The following RRM2 variants were observed in gnomAD, a reference collection of about 807,000 sequenced individuals.
The protein encoded by RRM2 is ribonucleoside-diphosphate reductase subunit M2.
A neutral mutation model predicts 45.9 loss-of-function variants in RRM2; 6 were observed. The observed-to-expected ratio is 0.13, with a 90% CI of 0.07 to 0.26. RRM2 has a LOEUF of 0.26. Among genes scored for constraint, RRM2 ranks in the 10% least tolerant of loss-of-function variants. The pLI, the probability that RRM2 is intolerant of heterozygous loss-of-function variation, is 1.00. For missense variants in RRM2, 343 were observed against 489.5 expected, an observed-to-expected ratio of 0.70 and a Z score of 2.82; for synonymous variants, 177 against 173.0, an observed-to-expected ratio of 1.02 and a Z score of -0.18.
intron 3 of RRM2, among the ~76,000 whole-genome samples, chr2:10,156,712 C>T (rs1332591150): frequency 6.6e-6 from 1 of 152,232 alleles, no homozygotes; most frequent in African/African-American, 2.4e-5. Flanking sequence ...AACCTCAGCT[C>T]CCTGTAACTT....
chr2:10,148,143 CA>C (rs374826185), intron 3 of RRM2, among the ~76,000 whole-genome samples: 1,877 of 117,684 alleles, frequency 0.016, 1 homozygote, highest in African/African-American at 0.026. Flanking sequence ...GACCCTGACT[CA>C]AAAAAAAAAA....
intron 3 of RRM2, chr2:10,145,907 G>T (rs938459894): frequency 6.6e-6 from 1 of 152,228 alleles, no homozygotes; most frequent in Admixed American, 6.5e-5. Flanking sequence ...AACCAGAATA[G>T]CCTCCGAAGC....
intron 3 of RRM2, among the ~76,000 whole-genome samples, chr2:10,196,740 G>A (rs1198801037): frequency 1.3e-5 from 2 of 152,250 alleles, no homozygotes; most frequent in South Asian, 2.1e-4. Flanking sequence ...GGGAGGAGGC[G>A]GGTTCGCTGT....
At chr2:10,148,034 C>T (rs1369252977) in intron 3 of RRM2, among the ~76,000 whole-genome samples, 8 of 151,454 alleles carry the variant, frequency 5.3e-5, no homozygotes, top group Non-Finnish European at 7.4e-5. Flanking sequence ...ATCCCAGCTA[C>T]TCCAGAGGCT....
chr2:10,131,109 T>A lies in RRM2; in HGVS notation c.*1723T>A, dbSNP rs1487602398. 9 of 152,242 alleles carry A rather than the reference T, an allele frequency of 5.9e-5. No homozygotes were observed. The highest frequency in any genetic ancestry group is 1.3e-4 in the Admixed American group (2 of 15,284). 9.4% of individuals were successfully genotyped at this position (152,242 alleles called of 1,614,324 possible). ...CATCATTTATTGTATAGACAATTTT[T>A]AAATCTCTGTAATATGATACATTTT... On this transcript the variant is annotated 3_prime_UTR_variant, in exon 10 of 10. Coordinates refer to ENST00000304567, the MANE Select transcript of RRM2 (RefSeq NM_001034.4).
At chr2:10,199,582 C>A (rs776993615) in intron 3 of RRM2, among the ~76,000 whole-genome samples, 14 of 151,642 alleles carry the variant, frequency 9.2e-5, no homozygotes, top group Non-Finnish European at 1.3e-4. Flanking sequence ...GAGATCAAGA[C>A]CATCCTGGCT....
intron 3 of RRM2, among the ~76,000 whole-genome samples, chr2:10,177,300 GATC>G (rs1663937813): frequency 6.6e-6 from 1 of 151,922 alleles, no homozygotes; most frequent in Non-Finnish European, 1.5e-5. Context: ...ATATGGTACT[GATC>G]ATCACATAAA....
chr2:10,142,318 C>T (rs758794815), exon 3 of RRM2: 12 of 1,390,276 alleles, frequency 8.6e-6, no homozygotes, highest in East Asian at 8.4e-5. Context: ...CCTGCTTCTG[C>T]GTGTCAGGTG....
chr2:10,195,976 G>A lies in RRM2; in HGVS notation n.483-14335G>A, dbSNP rs549733984. Among the ~76,000 whole-genome samples the A allele has an allele frequency of 2.8e-4, 42 of 152,322 alleles. No homozygotes were observed. The highest frequency in any genetic ancestry group is 3.3e-4 in the Admixed American group (5 of 15,306). On this transcript the variant is annotated intron_variant and non_coding_transcript_variant, in intron 3 of 3. Coordinates refer to the RRM2 transcript ENST00000381786. This position sits in a 1 kb window ranked among gnomAD's most constrained non-coding sequence, Gnocchi z 4.9. ...AATGGTGCCTGGTGCAGCTGCAGCC[G>A]TCTTGCTACCAGCAGGGCAAGGCAG...
chr2:10,206,079 T>A lies in RRM2; in HGVS notation n.483-4232T>A, dbSNP rs966372616. Among the ~76,000 whole-genome samples, 4 of 152,030 alleles carry A rather than the reference T, an allele frequency of 2.6e-5. No individual in the cohort carries two copies. The East Asian group carries it at 7.9e-4, about 30-fold the overall frequency. On this transcript the variant is annotated intron_variant and non_coding_transcript_variant, in intron 3 of 3. Coordinates refer to the RRM2 transcript ENST00000381786. ...GGCTAACATGGTGAAACCCTGTCTG[T>A]ACTAAAAATACAAAAAATTAGCCAG...
rs1170199186 is a variant in RRM2, at chr2:10,172,464, G to A, written n.482+30089G>A. Among the ~76,000 whole-genome samples, 2 of 152,174 alleles carry A rather than the reference G, an allele frequency of 1.3e-5. No individual in the cohort carries two copies. The highest frequency in any genetic ancestry group is 1.3e-4 in the Admixed American group (2 of 15,284). On this transcript the variant is annotated intron_variant and non_coding_transcript_variant, in intron 3 of 3. Transcript: ENST00000381786. This position sits in a 1 kb window ranked among gnomAD's most constrained non-coding sequence, Gnocchi z 4.9. ...GCTCAACCGAGAGCTGAGGGAAGACGGTGAAGGCCCTTTTGTTTTTAGTTC... is the reference window on the plus strand; with the variant it reads ...GCTCAACCGAGAGCTGAGGGAAGACAGTGAAGGCCCTTTTGTTTTTAGTTC...
rs753828702 is a variant in RRM2 at position 10,123,411 on chromosome 2, G to A, written c.199G>A (p.Val67Met). The A allele has an allele frequency of 1.9e-6, 3 of 1,612,242 alleles. No individual in the cohort carries two copies. The highest frequency in any genetic ancestry group is 2.2e-5 in the East Asian group (1 of 44,858). ...EPKTKAAAPG[V>M]EDEPLLRENP... ...GAAAACTAAAGCAGCTGCCCCCGGC[G>A]TGGAGGATGAGCCGCTGCTGAGAGA... The change falls in exon 3 of 10, where the codon GTG becomes ATG. Residue 67 changes from valine to methionine, a missense_variant. Physicochemically the swap from Val to Met is conservative, Grantham distance 21. Transcript: ENST00000304567.
chr2:10,171,124 GC>G lies in RRM2; in HGVS notation n.482+28751del, dbSNP rs1488283168. On this transcript the variant is annotated intron_variant and non_coding_transcript_variant, in intron 3 of 3. Transcript: ENST00000381786. This position sits in a 1 kb window ranked among gnomAD's most constrained non-coding sequence, Gnocchi z 4.1. ...TGCGCCACTCATTATAGGCTGCGGG[GC>G]CTGCACAGACCCCAGGCATCGAGCC... is the stretch of plus-strand genomic sequence containing the variant. 1.3e-5 allele frequency among the ~76,000 whole-genome samples: 2 copies of G among 152,214 alleles called. No individual in the cohort carries two copies. The highest frequency in any genetic ancestry group is 1.3e-4 in the Admixed American group (2 of 15,286).
intron 3 of RRM2, among the ~76,000 whole-genome samples, chr2:10,170,439 A>G (rs1208773927): frequency 1.3e-5 from 2 of 151,948 alleles, no homozygotes; most frequent in Admixed American, 6.6e-5. Context: ...CCAGGGGGGA[A>G]TTTCAGGGTG....
chr2:10,184,577 G>T (rs1477018360), intron 3 of RRM2, among the ~76,000 whole-genome samples: 1 of 152,238 alleles, frequency 6.6e-6, no homozygotes, highest in Non-Finnish European at 1.5e-5. Flanking sequence ...TGGGGCAGGC[G>T]GGACAGAGGC....
At chr2:10,206,750 G>A (rs1364426496) in intron 3 of RRM2, among the ~76,000 whole-genome samples, 1 of 152,140 alleles carries the variant, frequency 6.6e-6, no homozygotes, top group Non-Finnish European at 1.5e-5. Context: ...ACCACAAGAA[G>A]ATTTTAAAAG....
At position 10,129,432 on chromosome 2, in the gene RRM2, C is replaced by G; in HGVS notation, c.*46C>G. 6.4e-7 allele frequency: 1 copy of G among 1,565,020 alleles called. No individual in the cohort carries two copies. On this transcript the variant is annotated 3_prime_UTR_variant, in exon 10 of 10. Coordinates refer to ENST00000304567, the MANE Select transcript of RRM2 (RefSeq NM_001034.4). This position sits in a 1 kb window ranked among gnomAD's most constrained non-coding sequence, Gnocchi z 4.8. Reference sequence around the variant, plus strand: ...TACTTGGCTGATTTTTTTTTTCCATCTCATAAGAAAAATCAGCTGAAGTGT... The same window carrying G: ...TACTTGGCTGATTTTTTTTTTCCATGTCATAAGAAAAATCAGCTGAAGTGT...
chr2:10,192,980 T>A (rs1238709992), intron 3 of RRM2, among the ~76,000 whole-genome samples: 1 of 152,172 alleles, frequency 6.6e-6, no homozygotes, highest in Admixed American at 6.5e-5. Context: ...TCCTTCAGAC[T>A]CCTCCAGGGA....
At position 10,161,644 on chromosome 2, in the gene RRM2, TCACACATACACTCACACTCATGCACA is replaced by T. The variant is rs1402417986; in HGVS notation, n.482+19276_482+19301del. 4.0e-5 allele frequency among the ~76,000 whole-genome samples: 6 copies of T among 151,670 alleles called. No homozygotes were observed. In the East Asian group the frequency reaches 1.2e-3, roughly 29 times the overall value. ...TACTCACACATGCTCACTCATGCAC[TCACACATACACTCACACTCATGCACA>T]CACACACATTCACACACACACACAC... On this transcript the variant is annotated intron_variant and non_coding_transcript_variant, in intron 3 of 3. Transcript: ENST00000381786.
Sources: allele counts gnomAD v4.1 joint callset (sites outside exome capture counted in the v4.1 genomes callset), GRCh38; gene constraint gnomAD v4.1.1; non-coding constraint Gnocchi (gnomAD v3.1); transcripts MANE v1.5; gene names NCBI Gene and HGNC (gene_info 2026-07-23, HGNC 2026-07-21).